CCDC15: variants seen among roughly 807,000 people sequenced by gnomAD.
CCDC15 encodes the protein coiled-coil domain containing 15.
In CCDC15, 105 loss-of-function variants were observed where a neutral mutation model predicts 114.5. That is an observed-to-expected ratio of 0.92 (90% CI 0.78 to 1.08). The LOEUF (loss-of-function observed/expected upper bound fraction) is 1.08, where lower values mean the gene tolerates loss of function less well. Among genes scored for constraint, CCDC15 ranks in the 50% least tolerant of loss-of-function variants. CCDC15 has a pLI of 0.00. For missense variants in CCDC15, 1,105 were observed against 1,093.6 expected (o/e 1.01, Z -0.15); for synonymous variants, 334 against 377.8 (o/e 0.88, Z 1.34).
chr11:124,992,742 A>C, intron 10 of CCDC15, 55 bp downstream of exon 10: 1 of 978,762 alleles, frequency 1.0e-6, no homozygotes, highest in African/African-American at 1.7e-5. Flanking sequence ...GAACAAGCCT[A>C]AATCATATTA....
rs752154999 is a variant in CCDC15 at position 124,993,168 on chromosome 11, G to C, written c.2140-1G>C. ...AGTTTTGTATTTTGTTGTTCCTTTAGAACAAGCATATCAAACTACCCTCAT... is the reference window on the plus strand; with the variant it reads ...AGTTTTGTATTTTGTTGTTCCTTTACAACAAGCATATCAAACTACCCTCAT... On this transcript the variant is annotated splice_acceptor_variant, in intron 10 of 15. Coordinates refer to ENST00000344762, the MANE Select transcript of CCDC15 (RefSeq NM_025004.3). LOFTEE classifies it high-confidence loss of function. 1.9e-6 allele frequency: 3 copies of C among 1,592,508 alleles called. No individual in the cohort carries two copies. The East Asian group carries it at 6.7e-5, about 36-fold the overall frequency.
chr11:124,956,650 C>T (rs762886206), intron 2 of CCDC15, among the ~76,000 whole-genome samples: 2 of 152,178 alleles, frequency 1.3e-5, no homozygotes, highest in Non-Finnish European at 2.9e-5. Flanking sequence ...TATTGACTAT[C>T]GTATTCACAC....
intron 4 of CCDC15, among the ~76,000 whole-genome samples, chr11:124,974,035 C>T (rs907188082): frequency 4.6e-5 from 7 of 152,020 alleles, no homozygotes; most frequent in Non-Finnish European, 1.0e-4. Flanking sequence ...AGTGCAGTGG[C>T]GCTATCTCGT....
At chr11:124,958,267 C>T (rs1947584124) in intron 2 of CCDC15, among the ~76,000 whole-genome samples, 1 of 152,080 alleles carries the variant, frequency 6.6e-6, no homozygotes, top group Non-Finnish European at 1.5e-5. Context: ...CAAGCTTGTC[C>T]AACATGCGGC....
chr11:125,006,720 CA>C (rs1194822840), intron 13 of CCDC15, among the ~76,000 whole-genome samples: 1 of 152,000 alleles, frequency 6.6e-6, no homozygotes, highest in East Asian at 1.9e-4. Flanking sequence ...TGTTTAGAGT[CA>C]TTTTTTTTTT....
chr11:124,983,340 A>C (rs1452662714), intron 6 of CCDC15, among the ~76,000 whole-genome samples: 1 of 152,188 alleles, frequency 6.6e-6, no homozygotes, highest in African/African-American at 2.4e-5. Context: ...TAGTGCAGTC[A>C]TTTGAGGTAA....
chr11:124,987,574 C>A lies in CCDC15; in HGVS notation c.1348C>A (p.Leu450Ile). 1 of 1,613,968 alleles carries A rather than the reference C, an allele frequency of 6.2e-7. No individual in the cohort carries two copies. The highest frequency in any genetic ancestry group is 1.1e-5 in the South Asian group (1 of 91,082). The change falls in exon 8 of 16, where the codon CTA becomes ATA. Residue 450 changes from leucine to isoleucine, a missense_variant. Transcript: ENST00000344762. ...ACTCAAATATCAGGACCAGGACTTC[C>A]TACCCAGAGACCAGCATGTTCTCCA... ...ILLKYQDQDF[L>I]PRDQHVLHKD...
intron 13 of CCDC15, among the ~76,000 whole-genome samples, chr11:125,024,468 C>A (rs1332578343): frequency 6.6e-6 from 1 of 151,960 alleles, no homozygotes; most frequent in African/African-American, 2.4e-5. Flanking sequence ...TTTATATAGA[C>A]CTTCTTTAAT....
chr11:124,959,162 AAAAC>A lies in CCDC15; in HGVS notation c.228_231del (p.Gln77LysfsTer3). On this transcript the variant is annotated frameshift_variant, in exon 3 of 16. Transcript: ENST00000344762. LOFTEE classifies it high-confidence loss of function. Reference sequence around the variant, plus strand: ...AAGAACTAAAGGAACAGCTAAGAAAAAAACAAGAAGCTTTGAAACATTTTCAGAA... The same window carrying A: ...AAGAACTAAAGGAACAGCTAAGAAAAAAGAAGCTTTGAAACATTTTCAGAA... 6.3e-7 allele frequency: 1 copy of A among 1,591,612 alleles called. No individual in the cohort carries two copies. The highest frequency in any genetic ancestry group is 1.2e-5 in the South Asian group (1 of 85,722).
intron 4 of CCDC15, 67 bp from the exon 5 acceptor site, chr11:124,975,029 C>T: frequency 1.1e-6 from 1 of 928,506 alleles, no homozygotes; most frequent in South Asian, 1.7e-5. Context: ...CCTGTTGGAA[C>T]ACTTAGTGCA....
At chr11:124,964,810 GC>G (rs1388457133) in intron 4 of CCDC15, among the ~76,000 whole-genome samples, 3 of 152,126 alleles carry the variant, frequency 2.0e-5, no homozygotes, top group African/African-American at 7.2e-5. Context: ...TTTGAGATAT[GC>G]CCCATCAATA....
At chr11:125,006,171 C>T (rs1948550359) in intron 13 of CCDC15, among the ~76,000 whole-genome samples, 2 of 152,144 alleles carry the variant, frequency 1.3e-5, no homozygotes, top group Non-Finnish European at 2.9e-5. Context: ...TACCATTTTG[C>T]ATTCCCACCA....
At chr11:125,009,929 T>A (rs1053224776) in intron 13 of CCDC15, among the ~76,000 whole-genome samples, 1 of 152,190 alleles carries the variant, frequency 6.6e-6, no homozygotes, top group Non-Finnish European at 1.5e-5. Flanking sequence ...GTTGATTCTG[T>A]GTCTTTGCTG....
chr11:124,997,772 T>A lies in CCDC15; in HGVS notation c.2214+4529T>A, dbSNP rs149807442. Reference sequence around the variant, plus strand: ...GACTTGCCAACAAGGTGAAACCCTGTTTCTACTAAAAATATAAAAATTAGA... The same window carrying A: ...GACTTGCCAACAAGGTGAAACCCTGATTCTACTAAAAATATAAAAATTAGA... On this transcript the variant is annotated intron_variant, in intron 11 of 15. Transcript: ENST00000344762. Among the ~76,000 whole-genome samples the A allele has an allele frequency of 1.2e-4, 19 of 152,140 alleles. No individual in the cohort carries two copies. In the East Asian group the frequency reaches 3.5e-3, roughly 28 times the overall value.
chr11:124,961,346 T>G (rs1947654297), intron 4 of CCDC15, among the ~76,000 whole-genome samples: 1 of 152,184 alleles, frequency 6.6e-6, no homozygotes, highest in Non-Finnish European at 1.5e-5. Flanking sequence ...TATTTTCAGG[T>G]AGAAATACAA....
Position 125,005,224 on chromosome 11 carries a change from G to A in CCDC15, c.2411+12G>A, listed in dbSNP as rs371084059. On this transcript the variant is annotated intron_variant, in intron 13 of 15. Coordinates refer to ENST00000344762, the MANE Select transcript of CCDC15 (RefSeq NM_025004.3). Reference sequence around the variant, plus strand: ...AAGAAAATTGAAAAGTAAGTTATTCGATCTGCTCTGTGAGCCTTAAATTGC... The same window carrying A: ...AAGAAAATTGAAAAGTAAGTTATTCAATCTGCTCTGTGAGCCTTAAATTGC... 5 of 1,224,528 alleles carry A rather than the reference G, an allele frequency of 4.1e-6. No homozygotes were observed. Among genetic ancestry groups the A allele is most frequent in the East Asian group, 2.4e-5 (1 of 41,298 alleles). 75.9% of individuals were successfully genotyped at this position (1,224,528 alleles called of 1,614,324 possible). A position where few individuals can be genotyped will look rare whatever the true frequency, so the allele number is the denominator to read the frequency against.
intron 13 of CCDC15, among the ~76,000 whole-genome samples, chr11:125,026,816 C>T (rs370514072): frequency 6.6e-5 from 10 of 151,770 alleles, no homozygotes; most frequent in Non-Finnish European, 1.5e-4. Context: ...TGATGATTTC[C>T]GAGATTTTGG....
At position 125,038,973 on chromosome 11, in the gene CCDC15, A is replaced by G. The variant is rs1948796470; in HGVS notation, c.2638A>G (p.Ile880Val). The change falls in exon 15 of 16, where the codon ATT becomes GTT. Residue 880 changes from isoleucine to valine, a missense_variant. Transcript: ENST00000344762. The part of the protein sequence containing the change: ...QIQEKMQLYN[I>V]TLPPLCCCGP... ...CCAGGAGAAAATGCAGCTGTATAAT[A>G]TTACTTTACCTCCACTATGCTGTTG... is the stretch of plus-strand genomic sequence containing the variant. The G allele has an allele frequency of 6.2e-7, 1 of 1,613,386 alleles. No homozygotes were observed. The highest frequency in any genetic ancestry group is 1.1e-5 in the South Asian group (1 of 91,002).
intron 4 of CCDC15, among the ~76,000 whole-genome samples, chr11:124,960,653 G>C (rs71474117): frequency 0.18 from 26,714 of 151,982 alleles, 2,559 homozygotes; most frequent in African/African-American, 0.24. Flanking sequence ...AACATATCCA[G>C]AGTTTTTGGA....
Sources: gnomAD v4.1 joint callset for allele counts (sites outside exome capture counted in the v4.1 genomes callset) on GRCh38, gnomAD v4.1.1 for gene constraint, MANE v1.5 for transcripts, NCBI Gene and HGNC (gene_info 2026-07-23, HGNC 2026-07-21) for gene names.